The following SNX8 variants were observed in gnomAD, a reference collection of about 807,000 sequenced individuals.
The protein encoded by SNX8 is sorting nexin-8.
SNX8 carries 25 observed loss-of-function variants against 51.6 expected under a neutral mutation model. That is an observed-to-expected ratio of 0.48 (90% CI 0.35 to 0.68). SNX8 has a LOEUF of 0.68. SNX8 is among the 30% of genes least tolerant of loss of function. The pLI is 0.00. For synonymous variants in SNX8, 324 were observed against 277.0 expected (o/e 1.17, Z -1.68); for missense variants, 695 against 624.0 (o/e 1.11, Z -1.21).
Position 2,286,201 on chromosome 7 carries a change from G to C in SNX8, c.95-7896C>G, listed in dbSNP as rs193222739. Among the ~76,000 whole-genome samples, 155 of 151,500 alleles carry C rather than the reference G, an allele frequency of 1.0e-3. 1 individual carries two copies. Among genetic ancestry groups the C allele is most frequent in the Admixed American group, 3.1e-3 (47 of 15,144 alleles). ...TAATTTTTGTATTTTGGGTAGAGAC[G>C]GGGTTTCACCATGATGGCCAGGCTG... On this transcript the variant is annotated intron_variant, in intron 1 of 10. Coordinates refer to ENST00000222990, the MANE Select transcript of SNX8 (RefSeq NM_013321.4).
In SNX8 at chr7:2,271,898, CAG is replaced by C. The variant is rs761916161; in HGVS notation, c.490_491del (p.Leu164ValfsTer37). On this transcript the variant is annotated frameshift_variant, in exon 4 of 11. Coordinates refer to ENST00000222990, the MANE Select transcript of SNX8 (RefSeq NM_013321.4). LOFTEE classifies it high-confidence loss of function. ...GCTTGAGGACCACATCCTCGGAGAA[CAG>C]GGGGTGTCGCGCCACCAGGTTGACG... ...RFVNLVARHP[L>X]FSEDVVLKLF... 3.7e-6 allele frequency: 6 copies of C among 1,613,836 alleles called. No individual in the cohort carries two copies. The highest frequency in any genetic ancestry group is 3.3e-5 in the Admixed American group (2 of 59,988).
intron 2 of SNX8, among the ~76,000 whole-genome samples, chr7:2,277,466 C>T (rs1584691760): frequency 1.3e-5 from 2 of 152,106 alleles, no homozygotes; most frequent in Admixed American, 1.3e-4. Flanking sequence ...GTGTGGATCC[C>T]GCTTTGTGCT....
At chr7:2,270,315 A>C (rs1011600293) in intron 4 of SNX8, among the ~76,000 whole-genome samples, 1 of 22,690 alleles carries the variant, frequency 4.4e-5, no homozygotes, top group Non-Finnish European at 1.1e-4. Flanking sequence ...CTCATTTTAC[A>C]AAAAAAAAAA....
At chr7:2,284,219 C>A (rs1382234220) in intron 1 of SNX8, among the ~76,000 whole-genome samples, 8 of 150,488 alleles carry the variant, frequency 5.3e-5, no homozygotes, top group Non-Finnish European at 8.9e-5. Context: ...CGTGAGCCAC[C>A]ACACCCAGCC....
At chr7:2,351,809 C>G (rs967509299) in intron 1 of SNX8, among the ~76,000 whole-genome samples, 3 of 149,030 alleles carry the variant, frequency 2.0e-5, no homozygotes, top group Non-Finnish European at 3.0e-5. Context: ...CCAGCCTGGG[C>G]GACAGAGTGA....
intron 1 of SNX8, among the ~76,000 whole-genome samples, chr7:2,348,059 T>G (rs748603971): frequency 5.3e-5 from 8 of 152,234 alleles, no homozygotes; most frequent in Non-Finnish European, 1.0e-4. Context: ...ACTGAGAAAC[T>G]TGCTGGAGAG....
intron 1 of SNX8, among the ~76,000 whole-genome samples, chr7:2,284,396 C>CTTTTTTTTTTTTTTTTTTT (rs751803296): frequency 2.2e-5 from 2 of 88,908 alleles, no homozygotes; most frequent in Non-Finnish European, 4.1e-5. Context: ...CTTTTATTTC[C>CTTTTTTTTTTTTTTTTTTT]TTTTTTTTTT....
chr7:2,307,393 G>A (rs1796566814), intron 1 of SNX8, among the ~76,000 whole-genome samples: 1 of 151,346 alleles, frequency 6.6e-6, no homozygotes, highest in African/African-American at 2.5e-5. Flanking sequence ...AGCACTTTGG[G>A]AAGCCAAGGC....
chr7:2,326,595 G>A (rs1050169786), intron 1 of SNX8, among the ~76,000 whole-genome samples: 2 of 152,058 alleles, frequency 1.3e-5, no homozygotes, highest in Admixed American at 1.3e-4. Flanking sequence ...GAACCCAGGA[G>A]GCAGAGCTTG....
chr7:2,285,285 AG>A (rs1796002196), intron 1 of SNX8, among the ~76,000 whole-genome samples: 2 of 151,432 alleles, frequency 1.3e-5, no homozygotes, highest in South Asian at 4.2e-4. Flanking sequence ...GCTACTTGGG[AG>A]GCTGAGGCAG....
intron 1 of SNX8, among the ~76,000 whole-genome samples, chr7:2,350,413 T>A (rs1779113882): frequency 2.0e-5 from 3 of 152,168 alleles, no homozygotes; most frequent in Admixed American, 2.0e-4. Context: ...TCAATAGAAA[T>A]GCAACAAACC....
chr7:2,312,560 T>C (rs1470565152), intron 1 of SNX8, among the ~76,000 whole-genome samples: 1 of 152,024 alleles, frequency 6.6e-6, no homozygotes, highest in African/African-American at 2.4e-5. Flanking sequence ...GAAGACCCAT[T>C]CTGAAAGGCC....
At chr7:2,336,767 G>A (rs946161002) in intron 1 of SNX8, among the ~76,000 whole-genome samples, 22 of 151,944 alleles carry the variant, frequency 1.4e-4, no homozygotes, top group Admixed American at 8.5e-4. Flanking sequence ...AGCTGTTTGG[G>A]AGACCAAGGA....
chr7:2,306,977 T>A (rs13237165), intron 1 of SNX8, among the ~76,000 whole-genome samples: 57,964 of 151,652 alleles, frequency 0.38, 12,963 homozygotes, highest in East Asian at 0.53. Context: ...TTCCTGGGGT[T>A]AATCAAACTT....
chr7:2,260,914 G>C (rs1311884220), intron 7 of SNX8, among the ~76,000 whole-genome samples: 1 of 152,184 alleles, frequency 6.6e-6, no homozygotes. Flanking sequence ...CCCTCTTCAA[G>C]GTGGAAATGC....
chr7:2,303,248 C>A (rs1338151857), intron 1 of SNX8, among the ~76,000 whole-genome samples: 1 of 145,764 alleles, frequency 6.9e-6, no homozygotes, highest in East Asian at 2.1e-4. Flanking sequence ...GGTCAGCCCC[C>A]CGCCCGGCCA....
Position 2,278,270 on chromosome 7 carries a change from T to C in SNX8, c.130A>G (p.Ile44Val). Residue 44 changes from isoleucine to valine, a missense_variant, in exon 2 of 11, where the codon ATC becomes GTC. Physicochemically the swap from Ile to Val is conservative, Grantham distance 29. Coordinates refer to ENST00000222990, the MANE Select transcript of SNX8 (RefSeq NM_013321.4). Reference protein sequence around the residue: ...PTPQAIEPQAIVQQVPAPSRM... With the variant: ...PTPQAIEPQAVVQQVPAPSRM... The stretch of plus-strand genomic sequence containing the variant: ...CTGGGGGCTGGGACCTGCTGCACGA[T>C]GGCCTGGGGCTCGATGGCCTGGGGT... 6.3e-7 allele frequency: 1 copy of C among 1,594,750 alleles called. No homozygotes were observed. The highest frequency in any genetic ancestry group is 2.3e-5 in the East Asian group (1 of 42,990).
chr7:2,283,028 G>A (rs80215073), intron 1 of SNX8, among the ~76,000 whole-genome samples: 31,379 of 150,622 alleles, frequency 0.21, 3,433 homozygotes, highest in Middle Eastern at 0.3. Context: ...GGCTGAGGCA[G>A]GAGAATGGTG....
chr7:2,300,849 G>C (rs1424999007), intron 1 of SNX8, among the ~76,000 whole-genome samples: 3 of 151,972 alleles, frequency 2.0e-5, no homozygotes, highest in African/African-American at 4.8e-5. Flanking sequence ...CACCATGTTG[G>C]CCAGGCTGTT....
Sources: allele counts gnomAD v4.1 joint callset (sites outside exome capture counted in the v4.1 genomes callset), GRCh38; gene constraint gnomAD v4.1.1; transcripts MANE v1.5; gene names NCBI Gene and HGNC (gene_info 2026-07-23, HGNC 2026-07-21).